Variants in WDFY2 observed in about 807,000 individuals in gnomAD.
WDFY2 encodes the protein WD repeat and FYVE domain containing 2.
In WDFY2, 36 loss-of-function variants were observed where a neutral mutation model predicts 56.4. The observed-to-expected ratio is 0.64, with a 90% CI of 0.49 to 0.84. The LOEUF (loss-of-function observed/expected upper bound fraction) is 0.84, where lower values mean the gene tolerates loss of function less well. Among genes scored for constraint, WDFY2 ranks in the 40% least tolerant of loss-of-function variants. The pLI, the probability that WDFY2 is intolerant of heterozygous loss-of-function variation, is 0.00. For synonymous variants in WDFY2, 176 were observed against 183.7 expected, an observed-to-expected ratio of 0.96 and a Z score of 0.34; for missense variants, 444 against 512.2, an observed-to-expected ratio of 0.87 and a Z score of 1.29.
At chr13:51,712,077 G>C (rs1043929555) in intron 4 of WDFY2, among the ~76,000 whole-genome samples, 1 of 152,176 alleles carries the variant, frequency 6.6e-6, no homozygotes, top group African/African-American at 2.4e-5. Context: ...ACTGGATTAA[G>C]AAAATATGGC....
Position 51,675,154 on chromosome 13 carries a change from T to C in WDFY2, c.206-16T>C. The C allele has an allele frequency of 6.2e-7, 1 of 1,613,332 alleles. No individual in the cohort carries two copies. ...CATGGTTTTGTTAATTTCATCAACA[T>C]GTTCATTTCTTTCAGCTCCATGTTC... On this transcript the variant is annotated splice_polypyrimidine_tract_variant and intron_variant, in intron 2 of 11. Transcript: ENST00000298125.
At chr13:51,699,589 A>T (rs533906493) in intron 3 of WDFY2, among the ~76,000 whole-genome samples, 1 of 152,372 alleles carries the variant, frequency 6.6e-6, no homozygotes, top group Non-Finnish European at 1.5e-5. Flanking sequence ...CCAAAAAGTT[A>T]TCCAGCTCAT....
chr13:51,739,190 G>A lies in WDFY2; in HGVS notation c.725+15G>A, dbSNP rs376457836. On this transcript the variant is annotated intron_variant, in intron 7 of 11. Transcript: ENST00000298125. Reference sequence around the variant, plus strand: ...CAAGGACACAAGTAAGGTTGCTGGTGCTTTCATAAAGACTCTGAGAAAAGA... The same window carrying A: ...CAAGGACACAAGTAAGGTTGCTGGTACTTTCATAAAGACTCTGAGAAAAGA... 56 of 1,575,924 alleles carry A rather than the reference G, an allele frequency of 3.6e-5. No homozygotes were observed. Among genetic ancestry groups the A allele is most frequent in the Non-Finnish European group, 4.8e-5 (56 of 1,160,980 alleles).
intron 4 of WDFY2, 30 bp from the exon 5 acceptor site, chr13:51,719,168 T>C (rs576016252): frequency 6.2e-7 from 1 of 1,614,052 alleles, no homozygotes; most frequent in South Asian, 1.1e-5. Flanking sequence ...GGATGCTTTA[T>C]AGGTTGTTTT....
chr13:51,599,896 C>CA lies in WDFY2; in HGVS notation c.137+15083dup, dbSNP rs755365759. Reference sequence around the variant, plus strand: ...TTGAACTACAAAACAAACAAACAAACAAAAAAAAAAACAAAACAAAAAAAC... The same window carrying CA: ...TTGAACTACAAAACAAACAAACAAACAAAAAAAAAAAACAAAACAAAAAAAC... On this transcript the variant is annotated intron_variant, in intron 1 of 11. Coordinates refer to ENST00000298125, the MANE Select transcript of WDFY2 (RefSeq NM_052950.4). Among the ~76,000 whole-genome samples the CA allele has an allele frequency of 5.7e-3, 791 of 139,550 alleles. 6 individuals carry two copies. The highest frequency in any genetic ancestry group is 0.017 in the African/African-American group (635 of 38,472). 91.6% of individuals were successfully genotyped at this position (139,550 alleles called of 152,430 possible). A position where few individuals can be genotyped will look rare whatever the true frequency, so the allele number is the denominator to read the frequency against.
intron 2 of WDFY2, among the ~76,000 whole-genome samples, chr13:51,666,077 A>G (rs1955695383): frequency 6.6e-6 from 1 of 152,180 alleles, no homozygotes; most frequent in Non-Finnish European, 1.5e-5. Context: ...TTTAAAGTAT[A>G]GGAACTCAAG....
intron 1 of WDFY2, among the ~76,000 whole-genome samples, chr13:51,600,681 C>T (rs1954257679): frequency 6.6e-6 from 1 of 152,062 alleles, no homozygotes; most frequent in Non-Finnish European, 1.5e-5. Flanking sequence ...ATATGGCAAT[C>T]CCCACTGCAG....
Position 51,765,992 on chromosome 13 carries a change from T to G in WDFY2, c.*6223T>G, listed in dbSNP as rs1420257628. The G allele has an allele frequency of 6.6e-6, 1 of 152,138 alleles. No homozygotes were observed. Among genetic ancestry groups the G allele is most frequent in the Non-Finnish European group, 1.5e-5 (1 of 68,020 alleles). 9.4% of individuals were successfully genotyped at this position (152,138 alleles called of 1,614,324 possible). On this transcript the variant is annotated 3_prime_UTR_variant, in exon 12 of 12. Coordinates refer to ENST00000298125, the MANE Select transcript of WDFY2 (RefSeq NM_052950.4). ...TCTTTTTTCCCTTGGTTCTCGGGGA[T>G]GCATGAGAAGGTGAGCTGTCACTCA...
chr13:51,616,755 G>A (rs190545420), intron 1 of WDFY2, among the ~76,000 whole-genome samples: 2 of 152,316 alleles, frequency 1.3e-5, no homozygotes, highest in South Asian at 2.1e-4. Flanking sequence ...CTATCCTATC[G>A]TGTGCTTAGA....
At chr13:51,675,986 A>G (rs1282216009) in intron 3 of WDFY2, among the ~76,000 whole-genome samples, 2 of 152,200 alleles carry the variant, frequency 1.3e-5, no homozygotes, top group African/African-American at 4.8e-5. Context: ...CCTGGGCGAG[A>G]GAAGCCCTGC....
rs763518591 is a variant in WDFY2 at position 51,751,334 on chromosome 13, T to C, written c.750T>C (p.Tyr250=). The C allele has an allele frequency of 8.1e-6, 13 of 1,613,872 alleles. No individual in the cohort carries two copies. Among genetic ancestry groups the C allele is most frequent in the Non-Finnish European group, 8.5e-6 (10 of 1,179,902 alleles). Residue 250 remains tyrosine (Y), a synonymous_variant, in exon 8 of 12, where the codon TAT becomes TAC. Coordinates refer to ENST00000298125, the MANE Select transcript of WDFY2 (RefSeq NM_052950.4). ...GCGACAGAGTCCAGGCCCTCTCCTA[T>C]GCACAGCACACGCGACAATTGATCT... ...GHNDRVQALS[Y]AQHTRQLISC...
At chr13:51,683,854 T>C (rs2138523695) in intron 3 of WDFY2, among the ~76,000 whole-genome samples, 1 of 152,226 alleles carries the variant, frequency 6.6e-6, no homozygotes, top group South Asian at 2.1e-4. Context: ...AATGCTGGGC[T>C]TGTATGTCTT....
chr13:51,681,070 C>G (rs945640149), intron 3 of WDFY2, among the ~76,000 whole-genome samples: 1 of 152,066 alleles, frequency 6.6e-6, no homozygotes, highest in East Asian at 1.9e-4. Flanking sequence ...TTATAACGAG[C>G]CTATGGGGAA....
At chr13:51,738,611 T>C (rs1303305613) in intron 6 of WDFY2, among the ~76,000 whole-genome samples, 1 of 152,246 alleles carries the variant, frequency 6.6e-6, no homozygotes, top group Non-Finnish European at 1.5e-5. Flanking sequence ...TGTGGCCTAA[T>C]TAAATCTGAT....
chr13:51,650,166 T>A (rs1955346749), intron 1 of WDFY2, among the ~76,000 whole-genome samples: 1 of 152,078 alleles, frequency 6.6e-6, no homozygotes. Context: ...AGGTATTTTA[T>A]TCTCTTTGAA....
At chr13:51,589,043 G>A (rs1186858711) in intron 1 of WDFY2, 1 of 152,176 alleles carries the variant, frequency 6.6e-6, no homozygotes, top group East Asian at 1.9e-4. Flanking sequence ...TTCTCTCTAA[G>A]TCCTGAGGGC....
intron 3 of WDFY2, among the ~76,000 whole-genome samples, chr13:51,691,023 AC>A (rs1318336061): frequency 4.6e-5 from 7 of 152,018 alleles, no homozygotes; most frequent in Non-Finnish European, 1.0e-4. Flanking sequence ...CATGTCCTTC[AC>A]CCACTTTTTG....
At chr13:51,694,139 TTTG>T (rs1951810200) in intron 3 of WDFY2, among the ~76,000 whole-genome samples, 1 of 152,212 alleles carries the variant, frequency 6.6e-6, no homozygotes. Context: ...CTTTATCCAA[TTTG>T]CCAGTCTGTG....
rs952290435 is a variant in WDFY2 at position 51,682,578 on chromosome 13, C to T, written c.279+7335C>T. Among the ~76,000 whole-genome samples, 83 of 152,302 alleles carry T rather than the reference C, an allele frequency of 5.4e-4. 2 individuals are homozygous for T. Among genetic ancestry groups the T allele is most frequent in the South Asian group, 4.1e-4 (2 of 4,826 alleles). On this transcript the variant is annotated intron_variant, in intron 3 of 11. Transcript: ENST00000298125. ...CTGGTATCAGACTGCCTCTACCCCCCTCAAGTTGTGTCACATTGGGCAAGT... is the reference window on the plus strand; with the variant it reads ...CTGGTATCAGACTGCCTCTACCCCCTTCAAGTTGTGTCACATTGGGCAAGT...
Sources: allele counts gnomAD v4.1 joint callset (sites outside exome capture counted in the v4.1 genomes callset), GRCh38; gene constraint gnomAD v4.1.1; transcripts MANE v1.5; gene names NCBI Gene and HGNC (gene_info 2026-07-23, HGNC 2026-07-21).